Variants in PCDHA3 observed in about 807,000 individuals in gnomAD.
The protein encoded by PCDHA3 is protocadherin alpha 3, also known as protocadherin alpha-3.
A neutral mutation model predicts 62.2 loss-of-function variants in PCDHA3; 41 were observed. The observed-to-expected ratio is 0.66, with a 90% CI of 0.51 to 0.86. The LOEUF is 0.86. Among genes scored for constraint, PCDHA3 ranks in the 40% least tolerant of loss-of-function variants. PCDHA3 has a pLI of 0.00. For synonymous variants in PCDHA3, 640 were observed against 555.4 expected, an observed-to-expected ratio of 1.15 and a Z score of -2.14; for missense variants, 1,304 against 1,241.2, an observed-to-expected ratio of 1.05 and a Z score of -0.76.
At chr5:140,871,425 T>A (rs782021225) in intron 1 of PCDHA3, 7 of 1,613,404 alleles carry the variant, frequency 4.3e-6, no homozygotes, top group Admixed American at 3.3e-5. Flanking sequence ...TCAGCCCCAG[T>A]CTTCCTCTAG....
Position 140,803,532 on chromosome 5 carries a change from T to G in PCDHA3, c.2335T>G (p.Cys779Gly), listed in dbSNP as rs1562194851. ...LMAFSPSLPP[C>G]PISRDREEKQ... Reference sequence around the variant, plus strand: ...GGCTTTTAGCCCTAGCCTTCCTCCTTGTCCAATTAGCCGGGATAGAGAGGA... The same window carrying G: ...GGCTTTTAGCCCTAGCCTTCCTCCTGGTCCAATTAGCCGGGATAGAGAGGA... Residue 779 changes from cysteine (C) to glycine (G), a missense_variant, in exon 1 of 4, where the codon TGT (cysteine) becomes GGT (glycine). By Grantham distance (159) the Cys-to-Gly change is radical. Coordinates refer to ENST00000522353, the MANE Select transcript of PCDHA3 (RefSeq NM_018906.3). The G allele has an allele frequency of 2.5e-6, 4 of 1,614,232 alleles. No homozygotes were observed. The Admixed American group carries it at 5.0e-5, about 20-fold the overall frequency.
At chr5:140,999,476 A>G (rs1209910607) in intron 3 of PCDHA3, among the ~76,000 whole-genome samples, 6 of 152,124 alleles carry the variant, frequency 3.9e-5, no homozygotes, top group African/African-American at 1.2e-4. Flanking sequence ...GCAGATTCCA[A>G]CTCAAGTCTA....
At chr5:140,860,183 C>G (rs1286653695) in intron 1 of PCDHA3, 2 of 149,278 alleles carry the variant, frequency 1.3e-5, no homozygotes, top group Non-Finnish European at 3.0e-5. Flanking sequence ...ATATGATGGG[C>G]TCTCCTTACA....
At chr5:140,937,982 A>G (rs1227498616) in intron 1 of PCDHA3, among the ~76,000 whole-genome samples, 1 of 151,926 alleles carries the variant, frequency 6.6e-6, no homozygotes, top group Non-Finnish European at 1.5e-5. Flanking sequence ...TACTGATTTT[A>G]TGTTAACTTT....
chr5:140,806,566 A>G (rs1416834474), intron 1 of PCDHA3, among the ~76,000 whole-genome samples: 1 of 152,202 alleles, frequency 6.6e-6, no homozygotes, highest in African/African-American at 2.4e-5. Context: ...TTCCCTGTCA[A>G]TAGCTTGTTC....
rs57893927 is a variant in PCDHA3, at chr5:140,946,631, T to TATATATATATATATATAC, written c.2395-32317_2395-32316insTATATATATATATATACA. Among the ~76,000 whole-genome samples, 374 of 131,796 alleles carry TATATATATATATATATAC rather than the reference T, an allele frequency of 2.8e-3. 24 individuals carry two copies. The highest frequency in any genetic ancestry group is 0.011 in the African/African-American group (320 of 28,670). 86.5% of individuals were successfully genotyped at this position (131,796 alleles called of 152,430 possible). ...TGTGAAATATATATATATATATATA[T>TATATATATATATATATAC]ACAATGGAATACTCATCAGCCATTA... On this transcript the variant is annotated intron_variant, in intron 1 of 3. Coordinates refer to ENST00000522353, the MANE Select transcript of PCDHA3 (RefSeq NM_018906.3).
At chr5:141,001,143 G>T (rs1310182286) in intron 3 of PCDHA3, among the ~76,000 whole-genome samples, 1 of 151,914 alleles carries the variant, frequency 6.6e-6, no homozygotes, top group Admixed American at 6.5e-5. Context: ...ATCTTCTGTT[G>T]CTCTGATCTT....
chr5:140,843,840 A>G, intron 1 of PCDHA3: 2 of 1,049,820 alleles, frequency 1.9e-6, no homozygotes, highest in South Asian at 1.6e-5. Flanking sequence ...TTTAGTTTTT[A>G]GAAACCTTTT....
intron 1 of PCDHA3, among the ~76,000 whole-genome samples, chr5:140,878,691 A>G (rs2057689901): frequency 6.6e-6 from 1 of 152,168 alleles, no homozygotes; most frequent in Non-Finnish European, 1.5e-5. Context: ...AGTCTTACAT[A>G]CCCCAGCCTG....
intron 1 of PCDHA3, chr5:140,842,466 A>G (rs1451214851): frequency 6.2e-7 from 1 of 1,613,794 alleles, no homozygotes; most frequent in Non-Finnish European, 8.5e-7. Context: ...TCAGGTGCCA[A>G]CGGGCAGGTG....
intron 1 of PCDHA3, chr5:140,865,867 G>A (rs1382471078): frequency 7.9e-5 from 12 of 152,202 alleles, no homozygotes; most frequent in South Asian, 2.1e-4. Flanking sequence ...ACATGGTCTC[G>A]GCTAGGAAAA....
In PCDHA3 at chr5:140,801,082, T is replaced by C; in HGVS notation, c.-116T>C. ...ATTACGTATTCAGATACTGCTTTGC[T>C]TCATCCTCTCTAAAATTTAACACCG... On this transcript the variant is annotated 5_prime_UTR_variant, in exon 1 of 4. Transcript: ENST00000522353. The C allele has an allele frequency of 6.7e-7, 1 of 1,485,270 alleles. No homozygotes were observed. Among genetic ancestry groups the C allele is most frequent in the Non-Finnish European group, 8.9e-7 (1 of 1,124,842 alleles). 92.0% of individuals were successfully genotyped at this position (1,485,270 alleles called of 1,614,324 possible). A position where few individuals can be genotyped will look rare whatever the true frequency, so the allele number is the denominator to read the frequency against.
At chr5:140,837,560 A>G (rs2150276693) in intron 1 of PCDHA3, among the ~76,000 whole-genome samples, 2 of 152,102 alleles carry the variant, frequency 1.3e-5, no homozygotes, top group East Asian at 1.9e-4. Context: ...AATTATATAA[A>G]TATATTTACA....
intron 1 of PCDHA3, among the ~76,000 whole-genome samples, chr5:140,943,763 G>T (rs2093562574): frequency 6.6e-6 from 1 of 152,122 alleles, no homozygotes; most frequent in Admixed American, 6.5e-5. Context: ...GGAGATGTAG[G>T]AAAAAAACTA....
chr5:140,849,857 G>C (rs781928576), intron 1 of PCDHA3: 1 of 1,598,626 alleles, frequency 6.3e-7, no homozygotes, highest in Non-Finnish European at 8.6e-7. Context: ...ACGCACCAGC[G>C]TTCGCGCAGT....
chr5:140,895,320 T>C (rs561707282), intron 1 of PCDHA3, among the ~76,000 whole-genome samples: 2 of 152,298 alleles, frequency 1.3e-5, no homozygotes, highest in East Asian at 3.9e-4. Flanking sequence ...CCATGACTAT[T>C]GTTCTCAAAT....
chr5:140,883,555 C>T, intron 1 of PCDHA3: 3 of 1,614,168 alleles, frequency 1.9e-6, no homozygotes, highest in Non-Finnish European at 2.5e-6. Context: ...CCGCGCGGGA[C>T]GGGGGCTCGC....
chr5:141,005,584 C>T (rs1307831783), intron 3 of PCDHA3, among the ~76,000 whole-genome samples: 2 of 151,062 alleles, frequency 1.3e-5, no homozygotes, highest in Non-Finnish European at 2.9e-5. Context: ...TGCCTGTAGT[C>T]CCAGCTACAC....
At chr5:140,823,516 C>A in intron 1 of PCDHA3, 7 of 1,613,468 alleles carry the variant, frequency 4.3e-6, no homozygotes, top group Non-Finnish European at 5.9e-6. Flanking sequence ...CGAGCTGGTG[C>A]CGAGGTCAGT....
Sources: allele counts gnomAD v4.1 joint callset (sites outside exome capture counted in the v4.1 genomes callset), GRCh38; gene constraint gnomAD v4.1.1; transcripts MANE v1.5; gene names NCBI Gene and HGNC (gene_info 2026-07-23, HGNC 2026-07-21).